CPNE9: variants seen among roughly 807,000 people sequenced by gnomAD.
CPNE9 encodes the protein copine-9.
In CPNE9, 59 loss-of-function variants were observed where a neutral mutation model predicts 83.0. That is an observed-to-expected ratio of 0.71 (90% confidence interval 0.58 to 0.88). CPNE9 has a LOEUF of 0.88. CPNE9 is among the 40% of genes least tolerant of loss of function. The pLI, the probability that CPNE9 is intolerant of heterozygous loss-of-function variation, is 0.00. For missense variants in CPNE9, 619 were observed against 720.8 expected (o/e 0.86, Z 1.62); for synonymous variants, 256 against 273.4 (o/e 0.94, Z 0.63).
chr3:9,726,986 A>G (rs2076790411), intron 19 of CPNE9, 127 bp from the exon 20 acceptor site: 2 of 997,308 alleles, frequency 2.0e-6, no homozygotes, highest in South Asian at 2.8e-5. Flanking sequence ...GAAGACTGAT[A>G]TTTGTAGGAC....
chr3:9,724,634 A>T (rs2125475218), intron 17 of CPNE9, among the ~76,000 whole-genome samples: 1 of 152,044 alleles, frequency 6.6e-6, no homozygotes, highest in Middle Eastern at 3.4e-3. Flanking sequence ...TCCTAGAAAG[A>T]TCCTCCTCTT....
intron 14 of CPNE9, 47 bp downstream of exon 14, chr3:9,716,082 C>G: frequency 6.6e-7 from 1 of 1,517,398 alleles, no homozygotes; most frequent in Non-Finnish European, 9.1e-7. Context: ...CAATAAATTA[C>G]TCCCAGTTCT....
In CPNE9 at chr3:9,712,746, T is replaced by C. The variant is rs753934673; in HGVS notation, c.463T>C (p.Cys155Arg). The change falls in exon 9 of 21, where the codon TGT (cysteine) becomes CGT (arginine). Residue 155 changes from cysteine to arginine, a missense_variant. This residue lies in a region of CPNE9 where 438 missense variants were observed against 562.9 expected (regional missense o/e 0.78). Coordinates refer to ENST00000383832, the MANE Select transcript of CPNE9 (RefSeq NM_153635.3). The stretch of plus-strand genomic sequence containing the variant: ...CTAGGACATTGCCACCATGCAGCTG[T>C]GTGCAAACAAGCTGGACAAGAAGGA... Reference protein sequence around the residue: ...NCRDIATMQLCANKLDKKDFF... With the variant: ...NCRDIATMQLRANKLDKKDFF... The C allele has an allele frequency of 1.1e-4, 181 of 1,613,922 alleles. No homozygotes were observed. Among genetic ancestry groups the C allele is most frequent in the Non-Finnish European group, 1.4e-4 (164 of 1,179,962 alleles).
chr3:9,720,500 G>A (rs1274890266), intron 17 of CPNE9, among the ~76,000 whole-genome samples: 1 of 152,080 alleles, frequency 6.6e-6, no homozygotes, highest in Non-Finnish European at 1.5e-5. Context: ...AATTCTAGTA[G>A]ATTTATTTTC....
chr3:9,726,824 AC>A (rs2076788937), intron 19 of CPNE9, 102 bp downstream of exon 19: 5 of 1,052,938 alleles, frequency 4.7e-6, no homozygotes, highest in Non-Finnish European at 7.3e-6. Flanking sequence ...CAAGGTAGAC[AC>A]CCCCGTGTGA....
In CPNE9 at chr3:9,712,818, G is replaced by A; in HGVS notation, c.535G>A (p.Glu179Lys). The A allele has an allele frequency of 1.2e-6, 2 of 1,613,946 alleles. No homozygotes were observed. Among genetic ancestry groups the A allele is most frequent in the Non-Finnish European group, 1.7e-6 (2 of 1,179,826 alleles). The change falls in exon 9 of 21, where the codon GAG becomes AAG. Residue 179 changes from glutamate (E) to lysine (K), a missense_variant. Transcript: ENST00000383832. The part of the protein sequence containing the change: ...DPFLVFYRSN[E>K]DGTFTICHKT... ...CTTCCTTGTGTTCTACAGGAGCAAT[G>A]AGGATGGCACGTGAGTCACTGCCAT... is the stretch of plus-strand genomic sequence containing the variant.
chr3:9,726,430 C>T (rs766478408), intron 18 of CPNE9, among the ~76,000 whole-genome samples: 4 of 152,112 alleles, frequency 2.6e-5, no homozygotes, highest in African/African-American at 4.8e-5. Context: ...TTTTTTAAAA[C>T]TATATTGGAC....
At chr3:9,725,694 ATG>A in intron 17 of CPNE9, among the ~76,000 whole-genome samples, 2 of 136,514 alleles carry the variant, frequency 1.5e-5, no homozygotes, top group Non-Finnish European at 3.2e-5. Context: ...ATATACATAT[ATG>A]TGTATATATG....
chr3:9,716,027 C>A lies in CPNE9; in HGVS notation c.876C>A (p.Ile292=). The change falls in exon 14 of 21, where the codon ATC becomes ATA. Residue 292 remains isoleucine (I), a synonymous_variant. Transcript: ENST00000383832. ...VDSEFTFVDY[I]KGGTQLNFTV... ...CTGAATTCACTTTTGTTGATTACAT[C>A]AAGGGAGGGTGAGTCACAGGCCAAG... is the stretch of plus-strand genomic sequence containing the variant. 1 of 1,609,330 alleles carries A rather than the reference C, an allele frequency of 6.2e-7. No individual in the cohort carries two copies. Among genetic ancestry groups the A allele is most frequent in the Non-Finnish European group, 8.5e-7 (1 of 1,177,686 alleles).
In CPNE9 at chr3:9,729,625, G is replaced by C. The variant is rs897935724; in HGVS notation, c.1595G>C (p.Arg532Thr). 2 of 1,614,014 alleles carry C rather than the reference G, an allele frequency of 1.2e-6. No homozygotes were observed. Among genetic ancestry groups the C allele is most frequent in the Non-Finnish European group, 1.7e-6 (2 of 1,180,030 alleles). The change falls in exon 21 of 21, where the codon AGA becomes ACA. Residue 532 changes from arginine to threonine, a missense_variant. By Grantham distance (71) the Arg-to-Thr change is moderately conservative (BLOSUM62 -1). Around this residue, in one of 3 missense-constraint regions of CPNE9, gnomAD observed 51 missense variants for 40.4 expected, o/e 1.26. Coordinates refer to ENST00000383832, the MANE Select transcript of CPNE9 (RefSeq NM_153635.3). The stretch of plus-strand genomic sequence containing the variant: ...CAGCTGCTGTCCTATATGCGCACCA[G>C]AGACATCCAGCCTCGGCCCCCACCC... ...PEQLLSYMRTRDIQPRPPPPA... is the reference protein window; with the variant it reads ...PEQLLSYMRTTDIQPRPPPPA...
intron 20 of CPNE9, among the ~76,000 whole-genome samples, chr3:9,729,030 GAGAGAGAGA>G (rs577632620): frequency 5.8e-4 from 88 of 152,260 alleles, no homozygotes; most frequent in African/African-American, 2.1e-3. Context: ...GAAGAGAGCT[GAGAGAGAGA>G]AGGGACCAGG....
intron 7 of CPNE9, among the ~76,000 whole-genome samples, chr3:9,707,096 G>A (rs528964955): frequency 3.7e-4 from 57 of 152,118 alleles, no homozygotes; most frequent in Non-Finnish European, 6.9e-4. Flanking sequence ...GCTCACACCT[G>A]TAATCCCAGC....
chr3:9,726,012 C>T lies in CPNE9; in HGVS notation c.1305C>T (p.Val435=), dbSNP rs758252039. 1.6e-5 allele frequency: 26 copies of T among 1,610,414 alleles called. No individual in the cohort carries two copies. The highest frequency in any genetic ancestry group is 1.0e-4 in the Admixed American group (6 of 59,522). ...YYVLLIITDG[V]ISDMTQTKEA... is the part of the protein sequence containing the mutation. ...TTCTGCTCATCATCACTGATGGGGT[C>T]ATCTCTGACATGACGCAGACCAAGG... Residue 435 remains valine, a synonymous_variant, in exon 18 of 21, where the codon GTC becomes GTT. Coordinates refer to ENST00000383832, the MANE Select transcript of CPNE9 (RefSeq NM_153635.3).
Position 9,704,078 on chromosome 3 carries a change from G to A in CPNE9, c.68+14G>A. The A allele has an allele frequency of 1.9e-6, 3 of 1,599,642 alleles. No homozygotes were observed. The South Asian group carries it at 3.4e-5, about 18-fold the overall frequency. On this transcript the variant is annotated intron_variant, in intron 1 of 20. Coordinates refer to ENST00000383832, the MANE Select transcript of CPNE9 (RefSeq NM_153635.3). This position sits in a 1 kb window ranked among gnomAD's most constrained non-coding sequence, Gnocchi z 7.1. ...CGTGTCCTGCCGGTGAGCGGGCCGCGCTGGGGAGGGCTTAGGCACTGGCAC... is the reference window on the plus strand; with the variant it reads ...CGTGTCCTGCCGGTGAGCGGGCCGCACTGGGGAGGGCTTAGGCACTGGCAC...
chr3:9,724,430 G>A (rs977653478), intron 17 of CPNE9, among the ~76,000 whole-genome samples: 1 of 152,100 alleles, frequency 6.6e-6, no homozygotes, highest in Non-Finnish European at 1.5e-5. Context: ...AAGGAAGCAA[G>A]GAAGCCTTCA....
At chr3:9,712,365 A>T (rs990384788) in intron 7 of CPNE9, among the ~76,000 whole-genome samples, 176 bp from the exon 8 acceptor site, 5 of 152,052 alleles carry the variant, frequency 3.3e-5, no homozygotes, top group African/African-American at 2.4e-5. Context: ...TTTTCACCAG[A>T]CTGCAGACCC....
intron 10 of CPNE9, among the ~76,000 whole-genome samples, chr3:9,714,328 A>G (rs561915821): frequency 1.3e-5 from 2 of 152,246 alleles, no homozygotes; most frequent in South Asian, 4.1e-4. Context: ...ATATGGGTAA[A>G]TAGGTAGCTA....
rs1257576617 is a variant in CPNE9 at position 9,703,972 on chromosome 3, T to A, written c.-25T>A. 7.6e-6 allele frequency: 12 copies of A among 1,586,040 alleles called. No homozygotes were observed. Among genetic ancestry groups the A allele is most frequent in the Non-Finnish European group, 1.0e-5 (12 of 1,169,980 alleles). On this transcript the variant is annotated 5_prime_UTR_variant, in exon 1 of 21. Transcript: ENST00000383832. Reference sequence around the variant, plus strand: ...CAGCAGCCCTGGTCTCGCAGCCTCCTGCGGCTCTGGTCGCCCGACCAGCCA... The same window carrying A: ...CAGCAGCCCTGGTCTCGCAGCCTCCAGCGGCTCTGGTCGCCCGACCAGCCA...
At chr3:9,711,641 T>C (rs1208850873) in intron 7 of CPNE9, among the ~76,000 whole-genome samples, 1 of 152,184 alleles carries the variant, frequency 6.6e-6, no homozygotes, top group African/African-American at 2.4e-5. Flanking sequence ...CATAGCAAGT[T>C]AGAGCCAGGA....
Sources: gnomAD v4.1 joint callset for allele counts (sites outside exome capture counted in the v4.1 genomes callset) on GRCh38, gnomAD v4.1.1 for gene constraint, gnomAD v4.1.1 regional missense constraint, Gnocchi (gnomAD v3.1) non-coding constraint, MANE v1.5 for transcripts, NCBI Gene and HGNC (gene_info 2026-07-23, HGNC 2026-07-21) for gene names.